ARHGAP28: variants seen among roughly 807,000 people sequenced by gnomAD.
The protein encoded by ARHGAP28 is rho GTPase-activating protein 28.
In ARHGAP28, 56 loss-of-function variants were observed where a neutral mutation model predicts 90.7. That is an observed-to-expected ratio of 0.62 (90% CI 0.50 to 0.77). The LOEUF is 0.77. ARHGAP28 is among the 30% of genes least tolerant of loss of function. The pLI is 0.00. For missense variants in ARHGAP28, 869 were observed against 900.9 expected (o/e 0.96, Z 0.45); for synonymous variants, 308 against 323.3 (o/e 0.95, Z 0.51).
At position 6,882,943 on chromosome 18, in the gene ARHGAP28, A is replaced by G. The variant is rs186420721; in HGVS notation, c.1453+644A>G. 2.5e-3 allele frequency among the ~76,000 whole-genome samples: 386 copies of G among 152,310 alleles called. 3 individuals carry two copies. Among genetic ancestry groups the G allele is most frequent in the African/African-American group, 8.3e-3 (347 of 41,582 alleles). ...TGGCATGGTTTGAGCATAAAGGTTG[A>G]ATATTGTGGAGGATGTAACAAGAGA... On this transcript the variant is annotated intron_variant, in intron 11 of 17. Coordinates refer to ENST00000383472, the MANE Select transcript of ARHGAP28 (RefSeq NM_001366230.1).
At chr18:6,796,481 A>G (rs1000294745) in intron 1 of ARHGAP28, among the ~76,000 whole-genome samples, 18 of 152,144 alleles carry the variant, frequency 1.2e-4, no homozygotes, top group African/African-American at 4.3e-4. Flanking sequence ...TTCTGTAACA[A>G]TAGCCGTTTT....
chr18:6,795,777 CTA>C (rs2056437463), intron 1 of ARHGAP28, among the ~76,000 whole-genome samples: 1 of 152,180 alleles, frequency 6.6e-6, no homozygotes, highest in African/African-American at 2.4e-5. Context: ...GGTGTAGCCC[CTA>C]TGTGAATGGT....
At chr18:6,730,765 A>G (rs1170872048) in intron 1 of ARHGAP28, among the ~76,000 whole-genome samples, 2 of 152,136 alleles carry the variant, frequency 1.3e-5, no homozygotes, top group African/African-American at 4.8e-5. Flanking sequence ...TATTTGGGGG[A>G]AGTTTTATTT....
chr18:6,841,210 TCTC>T (rs2056822671), intron 3 of ARHGAP28, among the ~76,000 whole-genome samples: 4 of 94,308 alleles, frequency 4.2e-5, no homozygotes, highest in African/African-American at 1.0e-4. Context: ...TCTCCTCTCC[TCTC>T]TCTCTCTCTC....
At chr18:6,730,273 G>A (rs1188293346) in intron 1 of ARHGAP28, among the ~76,000 whole-genome samples, 1 of 145,332 alleles carries the variant, frequency 6.9e-6, no homozygotes, top group Non-Finnish European at 1.5e-5. Flanking sequence ...AAAACATCGG[G>A]AAATTAAAAA....
intron 3 of ARHGAP28, 110 bp downstream of exon 3, chr18:6,837,524 T>G: frequency 1.2e-6 from 1 of 819,436 alleles, no homozygotes; most frequent in East Asian, 2.7e-5. Context: ...GGTGGTTCCA[T>G]TCTAACTTTT....
intron 1 of ARHGAP28, among the ~76,000 whole-genome samples, chr18:6,757,020 A>G (rs1222809799): frequency 6.6e-6 from 1 of 152,170 alleles, no homozygotes; most frequent in Non-Finnish European, 1.5e-5. Flanking sequence ...ACCCTCACAG[A>G]CGCACCAGGA....
chr18:6,818,666 A>G lies in ARHGAP28; in HGVS notation c.123-6096A>G, dbSNP rs116513859. Among the ~76,000 whole-genome samples the G allele has an allele frequency of 4.6e-3, 705 of 152,326 alleles. 5 individuals are homozygous for G. Among genetic ancestry groups the G allele is most frequent in the African/African-American group, 0.013 (558 of 41,570 alleles). On this transcript the variant is annotated intron_variant, in intron 1 of 17. Transcript: ENST00000383472. Reference sequence around the variant, plus strand: ...GGATCCCCCAAGAGGTGGCATTTACATTGCAAGCTGAATGATGAGAGGCAT... The same window carrying G: ...GGATCCCCCAAGAGGTGGCATTTACGTTGCAAGCTGAATGATGAGAGGCAT...
intron 7 of ARHGAP28, among the ~76,000 whole-genome samples, chr18:6,872,092 A>C (rs2057094248): frequency 6.6e-6 from 1 of 152,190 alleles, no homozygotes; most frequent in Non-Finnish European, 1.5e-5. Context: ...AAAAGAGAGA[A>C]GCCTGCAGGA....
chr18:6,797,946 C>G (rs539599580), intron 1 of ARHGAP28, among the ~76,000 whole-genome samples: 155 of 152,244 alleles, frequency 1.0e-3, no homozygotes, highest in African/African-American at 3.5e-3. Context: ...AGGCATGAGC[C>G]ACTGTGCCCA....
At chr18:6,798,829 T>TA (rs1416477940) in intron 1 of ARHGAP28, among the ~76,000 whole-genome samples, 1 of 152,216 alleles carries the variant, frequency 6.6e-6, no homozygotes, top group Non-Finnish European at 1.5e-5. Context: ...GTGATTTAAA[T>TA]AAAAAATAAA....
At chr18:6,824,492 G>A (rs9959312) in intron 1 of ARHGAP28, among the ~76,000 whole-genome samples, 8,042 of 152,044 alleles carry the variant, frequency 0.053, 233 homozygotes, top group Non-Finnish European at 0.067. Flanking sequence ...AGCCGAGATC[G>A]CGCCACCATA....
chr18:6,890,191 G>A (rs1460273666), intron 13 of ARHGAP28, 106 bp downstream of exon 13: 1 of 1,292,708 alleles, frequency 7.7e-7, no homozygotes, highest in Non-Finnish European at 1.1e-6. Context: ...AGAAATATGA[G>A]AAGATAACCC....
intron 2 of ARHGAP28, among the ~76,000 whole-genome samples, chr18:6,831,710 T>C (rs543924347): frequency 6.6e-6 from 1 of 152,202 alleles, no homozygotes; most frequent in East Asian, 1.9e-4. Context: ...TGATATTTTG[T>C]GCTTTTATTT....
chr18:6,876,933 G>A (rs572354755), intron 10 of ARHGAP28, among the ~76,000 whole-genome samples: 82 of 152,346 alleles, frequency 5.4e-4, no homozygotes, highest in Admixed American at 9.1e-4. Context: ...ATCCCACTGT[G>A]TCTGCGGGTA....
chr18:6,734,759 G>A (rs2055911742), intron 1 of ARHGAP28, among the ~76,000 whole-genome samples: 1 of 152,062 alleles, frequency 6.6e-6, no homozygotes, highest in Non-Finnish European at 1.5e-5. Context: ...ACATGCACAG[G>A]GACACCATAT....
At chr18:6,799,781 G>A (rs191758331) in intron 1 of ARHGAP28, among the ~76,000 whole-genome samples, 4,113 of 152,202 alleles carry the variant, frequency 0.027, 79 homozygotes, top group Middle Eastern at 0.061. Flanking sequence ...CCTAGGCAAT[G>A]TCATTCAGGA....
intron 5 of ARHGAP28, among the ~76,000 whole-genome samples, chr18:6,866,896 G>A (rs1490365715): frequency 6.6e-6 from 1 of 152,166 alleles, no homozygotes; most frequent in Non-Finnish European, 1.5e-5. Context: ...TCTCCCATAG[G>A]TAAGTTATTT....
rs1481878467 is a variant in ARHGAP28, at chr18:6,873,783, G to A, written c.1212+8G>A. The A allele has an allele frequency of 1.2e-6, 2 of 1,609,796 alleles. No individual in the cohort carries two copies. Among genetic ancestry groups the A allele is most frequent in the Admixed American group, 1.7e-5 (1 of 59,788 alleles). Reference sequence around the variant, plus strand: ...CCCCTGGTATTACAAAAAGTGAGTAGCAGGCAAATGAAAGGGGAATTCACA... The same window carrying A: ...CCCCTGGTATTACAAAAAGTGAGTAACAGGCAAATGAAAGGGGAATTCACA... On this transcript the variant is annotated splice_region_variant and intron_variant, in intron 9 of 17. Transcript: ENST00000383472.
Sources: gnomAD v4.1 joint callset for allele counts (sites outside exome capture counted in the v4.1 genomes callset) on GRCh38, gnomAD v4.1.1 for gene constraint, MANE v1.5 for transcripts, NCBI Gene and HGNC (gene_info 2026-07-23, HGNC 2026-07-21) for gene names.